Variants in CBX8 observed in about 807,000 individuals in gnomAD.
CBX8 encodes the protein chromobox protein homolog 8.
CBX8 carries 8 observed loss-of-function variants against 39.7 expected under a neutral mutation model. The ratio of observed to expected loss-of-function variants is 0.20; its 90% confidence interval spans 0.12 to 0.36. The LOEUF (loss-of-function observed/expected upper bound fraction) is 0.36, where lower values mean the gene tolerates loss of function less well. Ranked by LOEUF, CBX8 falls within the 10% of genes least tolerant of loss-of-function variation. CBX8 has a pLI of 1.00. For missense variants in CBX8, 505 were observed against 529.6 expected (o/e 0.95, Z 0.46); for synonymous variants, 268 against 219.8 (o/e 1.22, Z -1.94).
At chr17:79,796,667 C>T in intron 1 of CBX8, 127 bp from the exon 2 acceptor site, 1 of 1,050,122 alleles carries the variant, frequency 9.5e-7, no homozygotes. Flanking sequence ...CACGCGCCCG[C>T]TGCATCACCC....
In CBX8 at chr17:79,795,999, C is replaced by A; in HGVS notation, c.246+58G>T. 4 of 1,522,598 alleles carry A rather than the reference C, an allele frequency of 2.6e-6. No homozygotes were observed. Among genetic ancestry groups the A allele is most frequent in the Middle Eastern group, 1.9e-4 (1 of 5,274 alleles). 94.3% of individuals were successfully genotyped at this position (1,522,598 alleles called of 1,614,324 possible). ...CCATTGGCTCACAGCCCTCAGAGCCCCCTTCCCACAAATCACTCCATAACA... is the reference window on the plus strand; with the variant it reads ...CCATTGGCTCACAGCCCTCAGAGCCACCTTCCCACAAATCACTCCATAACA... On this transcript the variant is annotated intron_variant, in intron 4 of 4. Transcript: ENST00000269385. This position sits in a 1 kb window ranked among gnomAD's most constrained non-coding sequence, Gnocchi z 5.8.
Position 79,792,293 on chromosome 17 carries a change from ACC to A in CBX8, c.*2340_*2341del, listed in dbSNP as rs1907905644. 1.3e-5 allele frequency: 2 copies of A among 151,970 alleles called. No homozygotes were observed. Among genetic ancestry groups the A allele is most frequent in the African/African-American group, 4.8e-5 (2 of 41,332 alleles). 9.4% of individuals were successfully genotyped at this position (151,970 alleles called of 1,614,324 possible). On this transcript the variant is annotated 3_prime_UTR_variant, in exon 5 of 5. Coordinates refer to ENST00000269385, the MANE Select transcript of CBX8 (RefSeq NM_020649.3). ...ATTAAATAAACCCAACAGCGCACAC[ACC>A]CTGCGCGGTTGCAGACTCCCAGCCA...
At position 79,795,559 on chromosome 17, in the gene CBX8, C is replaced by G; in HGVS notation, c.247-1G>C. 6.6e-7 allele frequency: 1 copy of G among 1,512,724 alleles called. No homozygotes were observed. Among genetic ancestry groups the G allele is most frequent in the Non-Finnish European group, 8.8e-7 (1 of 1,132,622 alleles). The allele number at this position is 1,512,724 out of a possible 1,614,324, so 93.7% of individuals were successfully genotyped here. ...TTTTGGCCTTTGCCTTGGCCTGCGC[C>G]TGCAGGAGAGAAGATGGTCTCAAGA... On this transcript the variant is annotated splice_acceptor_variant, in intron 4 of 4. Coordinates refer to ENST00000269385, the MANE Select transcript of CBX8 (RefSeq NM_020649.3). LOFTEE classifies it high-confidence loss of function. The surrounding 1 kb of genome is among the most constrained non-coding windows in gnomAD (Gnocchi z 5.8).
rs563136866 is a variant in CBX8, at chr17:79,797,060, G to C, written c.-62C>G. 1.3e-6 allele frequency: 2 copies of C among 1,520,244 alleles called. No individual in the cohort carries two copies. The highest frequency in any genetic ancestry group is 1.8e-6 in the Non-Finnish European group (2 of 1,116,236). The allele number at this position is 1,520,244 out of a possible 1,614,324, so 94.2% of individuals were successfully genotyped here. On this transcript the variant is annotated 5_prime_UTR_variant, in exon 1 of 5. Coordinates refer to ENST00000269385, the MANE Select transcript of CBX8 (RefSeq NM_020649.3). ...AGCAGAAAAGCAGCAGCCAGCGCAC[G>C]ACAGACCATAATACTCTCCCGCTGA... is the stretch of plus-strand genomic sequence containing the variant.
At position 79,795,584 on chromosome 17, in the gene CBX8, A is replaced by G; in HGVS notation, c.247-26T>C. 1 of 1,486,148 alleles carries G rather than the reference A, an allele frequency of 6.7e-7. No individual in the cohort carries two copies. The allele number at this position is 1,486,148 out of a possible 1,614,324, so 92.1% of individuals were successfully genotyped here. ...CTGCAGGAGAGAAGATGGTCTCAAGAGTGGGGCAGGGCCCTGTCCACCCCC... is the reference window on the plus strand; with the variant it reads ...CTGCAGGAGAGAAGATGGTCTCAAGGGTGGGGCAGGGCCCTGTCCACCCCC... On this transcript the variant is annotated intron_variant, in intron 4 of 4. Coordinates refer to ENST00000269385, the MANE Select transcript of CBX8 (RefSeq NM_020649.3). This position sits in a 1 kb window ranked among gnomAD's most constrained non-coding sequence, Gnocchi z 5.8.
intron 1 of CBX8, 126 bp downstream of exon 1, chr17:79,796,804 G>A: frequency 3.2e-6 from 3 of 931,910 alleles, no homozygotes; most frequent in Non-Finnish European, 4.7e-6. Flanking sequence ...CGCCGCCGCC[G>A]CCGCCACGGC....
Position 79,795,347 on chromosome 17 carries a change from T to C in CBX8, c.458A>G (p.Asp153Gly), listed in dbSNP as rs777037705. The C allele has an allele frequency of 1.3e-6, 2 of 1,589,626 alleles. No homozygotes were observed. The highest frequency in any genetic ancestry group is 1.7e-6 in the Non-Finnish European group (2 of 1,168,134). The change falls in exon 5 of 5, where the codon GAC (aspartate) becomes GGC (glycine). Residue 153 changes from aspartate (D) to glycine (G), a missense_variant. By Grantham distance (94) the Asp-to-Gly change is moderately conservative. Coordinates refer to ENST00000269385, the MANE Select transcript of CBX8 (RefSeq NM_020649.3). The surrounding 1 kb of genome is among the most constrained non-coding windows in gnomAD (Gnocchi z 5.8). ...ATCCCGCTCCCGGTCCCTATCCCGG[T>C]CTCGGTCCCGGTCCCGAGGGGCCTC... ...RAEAPRDRDR[D>G]RDRDRERDRE... is the part of the protein sequence containing the mutation.
chr17:79,797,034 G>T lies in CBX8; in HGVS notation c.-36C>A, dbSNP rs780625611. Reference sequence around the variant, plus strand: ...CGCTTCCCCCCTTGGCCGCTTCCAGGAGCAGAAAAGCAGCAGCCAGCGCAC... The same window carrying T: ...CGCTTCCCCCCTTGGCCGCTTCCAGTAGCAGAAAAGCAGCAGCCAGCGCAC... On this transcript the variant is annotated 5_prime_UTR_variant, in exon 1 of 5. Coordinates refer to ENST00000269385, the MANE Select transcript of CBX8 (RefSeq NM_020649.3). 6.3e-7 allele frequency: 1 copy of T among 1,593,442 alleles called. No homozygotes were observed. Among genetic ancestry groups the T allele is most frequent in the Admixed American group, 1.7e-5 (1 of 58,556 alleles).
In CBX8 at chr17:79,796,329, G is replaced by C. The variant is rs766636582; in HGVS notation, c.114-14C>G. 1 of 1,613,944 alleles carries C rather than the reference G, an allele frequency of 6.2e-7. No homozygotes were observed. The highest frequency in any genetic ancestry group is 1.3e-5 in the African/African-American group (1 of 74,926). On this transcript the variant is annotated splice_polypyrimidine_tract_variant and intron_variant, in intron 2 of 4. Transcript: ENST00000269385. ...CATGTGCTGTACCTAAAGGGAATCA[G>C]GAAGAAGTGGGCATCAGTCCCAGGA... is the stretch of plus-strand genomic sequence containing the variant.
rs778257666 is a variant in CBX8, at chr17:79,795,553, C to T, written c.252G>A (p.Gln84=). 1 of 1,517,578 alleles carries T rather than the reference C, an allele frequency of 6.6e-7. No homozygotes were observed. Among genetic ancestry groups the T allele is most frequent in the Non-Finnish European group, 8.8e-7 (1 of 1,134,974 alleles). 94.0% of individuals were successfully genotyped at this position (1,517,578 alleles called of 1,614,324 possible). The part of the protein sequence containing the change: ...PKPKTFLLKA[Q]AKAKAKTYEF... ...CGTAAGTTTTGGCCTTTGCCTTGGCCTGCGCCTGCAGGAGAGAAGATGGTC... is the reference window on the plus strand; with the variant it reads ...CGTAAGTTTTGGCCTTTGCCTTGGCTTGCGCCTGCAGGAGAGAAGATGGTC... Residue 84 remains glutamine (Q), a synonymous_variant, in exon 5 of 5, where the codon CAG becomes CAA. Transcript: ENST00000269385. This position sits in a 1 kb window ranked among gnomAD's most constrained non-coding sequence, Gnocchi z 5.8.
intron 3 of CBX8, 46 bp from the exon 4 acceptor site, chr17:79,796,169 A>G: frequency 6.2e-7 from 1 of 1,612,790 alleles, no homozygotes; most frequent in Non-Finnish European, 8.5e-7. Context: ...TAAAGAAAGC[A>G]AGTGGGACTC....
At position 79,794,695 on chromosome 17, in the gene CBX8, A is replaced by G; in HGVS notation, c.1110T>C (p.Phe370=). 1 of 1,596,926 alleles carries G rather than the reference A, an allele frequency of 6.3e-7. No homozygotes were observed. The highest frequency in any genetic ancestry group is 8.5e-7 in the Non-Finnish European group (1 of 1,175,246). ...TACTTTCCTTAATGGTGACGGTCAA[A>G]AAGTTTGAGGTCACGTCCGTGACCA... ...KVVVTDVTSN[F]LTVTIKESNT... Residue 370 remains phenylalanine, a synonymous_variant, in exon 5 of 5, where the codon TTT becomes TTC. Coordinates refer to ENST00000269385, the MANE Select transcript of CBX8 (RefSeq NM_020649.3).
In CBX8 at chr17:79,794,481, G is replaced by A. The variant is rs1907991447; in HGVS notation, c.*154C>T. On this transcript the variant is annotated 3_prime_UTR_variant, in exon 5 of 5. Transcript: ENST00000269385. ...AATCTTTCCAACAAAAACTGAGGGG[G>A]AGGAAGGAGGGATGAAAGGGGCTGG... The A allele has an allele frequency of 7.7e-6, 4 of 521,738 alleles. No individual in the cohort carries two copies. Among genetic ancestry groups the A allele is most frequent in the South Asian group, 3.9e-5 (1 of 25,500 alleles). 32.3% of individuals were successfully genotyped at this position (521,738 alleles called of 1,614,324 possible). A position where few individuals can be genotyped will look rare whatever the true frequency, so the allele number is the denominator to read the frequency against.
Position 79,793,154 on chromosome 17 carries a change from G to C in CBX8, c.*1481C>G, listed in dbSNP as rs180926364. The C allele has an allele frequency of 2.0e-4, 30 of 152,336 alleles. No individual in the cohort carries two copies. The highest frequency in any genetic ancestry group is 7.2e-4 in the African/African-American group (30 of 41,570). The allele number at this position is 152,336 out of a possible 1,614,324, so 9.4% of individuals were successfully genotyped here. A position where few individuals can be genotyped will look rare whatever the true frequency, so the allele number is the denominator to read the frequency against. On this transcript the variant is annotated 3_prime_UTR_variant, in exon 5 of 5. Transcript: ENST00000269385. Reference sequence around the variant, plus strand: ...AGCGCAGAGCGGTCAAGTCCGCCGGGCAGGGGCGTCCCAGGCCCCGCCGCC... The same window carrying C: ...AGCGCAGAGCGGTCAAGTCCGCCGGCCAGGGGCGTCCCAGGCCCCGCCGCC...
In CBX8 at chr17:79,794,766, C is replaced by T; in HGVS notation, c.1039G>A (p.Glu347Lys). The T allele has an allele frequency of 6.2e-7, 1 of 1,613,120 alleles. No homozygotes were observed. Among genetic ancestry groups the T allele is most frequent in the Non-Finnish European group, 8.5e-7 (1 of 1,179,206 alleles). ...AGGGAGGGGCTCCAGGACTCTTCCT[C>T]CGGGTCCCCCAGGATTCTGGCCACA... Reference protein sequence around the residue: ...IPVARILGDPEEESWSPSLTN... With the variant: ...IPVARILGDPKEESWSPSLTN... Residue 347 changes from glutamate to lysine, a missense_variant, in exon 5 of 5, where the codon GAG becomes AAG. Glu to Lys is a moderately conservative substitution (Grantham distance 56). Transcript: ENST00000269385.
Position 79,795,617 on chromosome 17 carries a change from T to C in CBX8, c.247-59A>G, listed in dbSNP as rs1157878969. 8.6e-6 allele frequency: 10 copies of C among 1,169,008 alleles called. No homozygotes were observed. The African/African-American group carries it at 1.3e-4, about 16-fold the overall frequency. 72.4% of individuals were successfully genotyped at this position (1,169,008 alleles called of 1,614,324 possible). A position where few individuals can be genotyped will look rare whatever the true frequency, so the allele number is the denominator to read the frequency against. ...AGGGCCCTGTCCACCCCCACAGGACTCCTCCTCTATCCCTGACCTCCTATC... is the reference window on the plus strand; with the variant it reads ...AGGGCCCTGTCCACCCCCACAGGACCCCTCCTCTATCCCTGACCTCCTATC... On this transcript the variant is annotated intron_variant, in intron 4 of 4. Transcript: ENST00000269385. The surrounding 1 kb of genome is among the most constrained non-coding windows in gnomAD (Gnocchi z 5.8).
At chr17:79,796,762 A>G (rs1337645712) in intron 1 of CBX8, among the ~76,000 whole-genome samples, 168 bp downstream of exon 1, 1 of 122,786 alleles carries the variant, frequency 8.1e-6, no homozygotes, top group African/African-American at 3.1e-5. Flanking sequence ...CATCGCTGCA[A>G]GTCTAAGGAA....
Position 79,795,336 on chromosome 17 carries a change from C to A in CBX8, c.469G>T (p.Asp157Tyr). 2 of 1,584,708 alleles carry A rather than the reference C, an allele frequency of 1.3e-6. No individual in the cohort carries two copies. Among genetic ancestry groups the A allele is most frequent in the South Asian group, 2.3e-5 (2 of 87,630 alleles). ...PRDRDRDRDR[D>Y]RERDRERERE... is the part of the protein sequence containing the mutation. ...TCCCTTTCTCGATCCCGCTCCCGGTCCCTATCCCGGTCTCGGTCCCGGTCC... is the reference window on the plus strand; with the variant it reads ...TCCCTTTCTCGATCCCGCTCCCGGTACCTATCCCGGTCTCGGTCCCGGTCC... Residue 157 changes from aspartate to tyrosine, a missense_variant, in exon 5 of 5, where the codon GAC becomes TAC. Physicochemically the swap from Asp to Tyr is radical, Grantham distance 160 (BLOSUM62 -3). Coordinates refer to ENST00000269385, the MANE Select transcript of CBX8 (RefSeq NM_020649.3). This position sits in a 1 kb window ranked among gnomAD's most constrained non-coding sequence, Gnocchi z 5.8.
chr17:79,796,505 C>A lies in CBX8; in HGVS notation c.105G>T (p.Trp35Cys). Residue 35 changes from tryptophan (W) to cysteine (C), a missense_variant, in exon 2 of 5, where the codon TGG (tryptophan) becomes TGT (cysteine). Physicochemically the swap from Trp to Cys is radical, Grantham distance 215. Around this residue, in one of 3 missense-constraint regions of CBX8, gnomAD observed 32 missense variants for 101.4 expected, o/e 0.32. Transcript: ENST00000269385. ...GCATATAACCTACTTACTTCTGCGA[C>A]CATCCCTTCCATTTCACGAGGTATT... ...RMEYLVKWKG[W>C]SQKYSTWEPE... The A allele has an allele frequency of 6.2e-7, 1 of 1,614,222 alleles. No individual in the cohort carries two copies. Among genetic ancestry groups the A allele is most frequent in the Non-Finnish European group, 8.5e-7 (1 of 1,180,040 alleles).
Sources: allele counts gnomAD v4.1 joint callset (sites outside exome capture counted in the v4.1 genomes callset), GRCh38; gene constraint gnomAD v4.1.1; regional missense constraint gnomAD v4.1.1; non-coding constraint Gnocchi (gnomAD v3.1); transcripts MANE v1.5; gene names NCBI Gene and HGNC (gene_info 2026-07-23, HGNC 2026-07-21).